CAMKMT: variants seen among roughly 807,000 people sequenced by gnomAD.
CAMKMT encodes the protein calmodulin-lysine N-methyltransferase, also known as CaM KMT.
Under a neutral mutation model 48.0 loss-of-function variants are expected in CAMKMT, and 53 were observed. The ratio of observed to expected loss-of-function variants is 1.10; its 90% CI spans 0.89 to 1.39. The LOEUF (loss-of-function observed/expected upper bound fraction) is 1.39. Ranked by LOEUF, CAMKMT falls within the 40% of genes most tolerant of loss-of-function variation. CAMKMT has a pLI of 0.00. For missense variants in CAMKMT, 428 were observed against 402.7 expected (o/e 1.06, Z -0.54); for synonymous variants, 165 against 152.3 (o/e 1.08, Z -0.61).
chr2:44,625,315 T>C (rs917758039), intron 3 of CAMKMT, among the ~76,000 whole-genome samples: 1 of 152,212 alleles, frequency 6.6e-6, no homozygotes, highest in Non-Finnish European at 1.5e-5. Flanking sequence ...GTTCAAATCT[T>C]TTGTACAGTT....
At chr2:44,377,896 G>C (rs1679856195) in intron 2 of CAMKMT, among the ~76,000 whole-genome samples, 2 of 151,768 alleles carry the variant, frequency 1.3e-5, no homozygotes, top group South Asian at 2.1e-4. Flanking sequence ...TAGTTATATA[G>C]CTTGTGAATG....
chr2:44,750,923 G>T (rs984803011), intron 8 of CAMKMT, among the ~76,000 whole-genome samples: 1 of 152,166 alleles, frequency 6.6e-6, no homozygotes, highest in Non-Finnish European at 1.5e-5. Context: ...TGAGGCAGGA[G>T]AATCGCTTGA....
At chr2:44,683,609 A>G (rs1399444235) in intron 3 of CAMKMT, among the ~76,000 whole-genome samples, 2 of 152,106 alleles carry the variant, frequency 1.3e-5, no homozygotes, top group Non-Finnish European at 2.9e-5. Flanking sequence ...TCGCAAGGTC[A>G]GGAGATCAAG....
At chr2:44,474,598 T>C (rs6739098) in intron 3 of CAMKMT, among the ~76,000 whole-genome samples, 3,130 of 152,286 alleles carry the variant, frequency 0.021, 115 homozygotes, top group African/African-American at 0.071. Flanking sequence ...TCTGTTACTA[T>C]TTAATTCCTA....
intron 3 of CAMKMT, among the ~76,000 whole-genome samples, chr2:44,480,138 A>G (rs1205562186): frequency 1.3e-5 from 2 of 152,212 alleles, no homozygotes; most frequent in Non-Finnish European, 2.9e-5. Context: ...TGTAGCACCT[A>G]TCAAAGAGTG....
chr2:44,502,945 A>T (rs1670078028), intron 3 of CAMKMT, among the ~76,000 whole-genome samples: 1 of 152,124 alleles, frequency 6.6e-6, no homozygotes. Flanking sequence ...AGTTTTTGTG[A>T]TGATGACTAC....
At chr2:44,694,091 G>T (rs543849258) in intron 3 of CAMKMT, among the ~76,000 whole-genome samples, 2 of 152,322 alleles carry the variant, frequency 1.3e-5, no homozygotes, top group South Asian at 4.1e-4. Flanking sequence ...GTTGGATGCT[G>T]TCGATCAAAG....
At chr2:44,697,796 A>G (rs1264069475) in intron 3 of CAMKMT, among the ~76,000 whole-genome samples, 2 of 152,210 alleles carry the variant, frequency 1.3e-5, no homozygotes, top group East Asian at 3.8e-4. Flanking sequence ...AAAAATGCTA[A>G]TTTTGCACAG....
chr2:44,547,012 G>T (rs1667446055), intron 3 of CAMKMT, among the ~76,000 whole-genome samples: 1 of 152,096 alleles, frequency 6.6e-6, no homozygotes, highest in South Asian at 2.1e-4. Flanking sequence ...TAAATCCCTT[G>T]GGTTGGCTTG....
chr2:44,460,346 G>A (rs181965463), intron 3 of CAMKMT, among the ~76,000 whole-genome samples: 2 of 152,268 alleles, frequency 1.3e-5, no homozygotes, highest in East Asian at 3.9e-4. Context: ...GAATTAAACT[G>A]TAGGCACAGT....
At chr2:44,720,878 T>G (rs1246900122) in intron 7 of CAMKMT, among the ~76,000 whole-genome samples, 1 of 152,216 alleles carries the variant, frequency 6.6e-6, no homozygotes, top group Non-Finnish European at 1.5e-5. Context: ...TAAAGGTGTT[T>G]CACTAGCATT....
intron 9 of CAMKMT, among the ~76,000 whole-genome samples, chr2:44,764,223 C>T (rs1055390669): frequency 1.3e-5 from 2 of 152,102 alleles, no homozygotes; most frequent in Non-Finnish European, 2.9e-5. Flanking sequence ...TGAGTGTGTA[C>T]AGGCTGATGT....
rs1033475609 is a variant in CAMKMT at position 44,456,725 on chromosome 2, C to G, written c.376+66420C>G. The G allele has an allele frequency of 8.8e-6, 8 of 913,582 alleles. No homozygotes were observed. The African/African-American group carries it at 1.4e-4, about 15-fold the overall frequency. The allele number at this position is 913,582 out of a possible 1,614,324, so 56.6% of individuals were successfully genotyped here. ...TTGTCTTCATGATCTTCATTACAAT[C>G]ATAGCAGAAATCCTCATGCTAAATG... On this transcript the variant is annotated intron_variant, in intron 3 of 10. Transcript: ENST00000378494.
intron 10 of CAMKMT, among the ~76,000 whole-genome samples, chr2:44,768,825 G>T (rs1325259752): frequency 6.6e-6 from 1 of 152,154 alleles, no homozygotes; most frequent in Non-Finnish European, 1.5e-5. Flanking sequence ...TCCCTGGGAC[G>T]CGCTGCTCCC....
In CAMKMT at chr2:44,702,961, G is replaced by A. The variant is rs532340334; in HGVS notation, c.377-1322G>A. ...CTAGGGGAAAAAAATTAAGCCTTTT[G>A]TAGATGTTTCAACCTTGCATTAAGA... is the stretch of plus-strand genomic sequence containing the variant. On this transcript the variant is annotated intron_variant, in intron 3 of 10. Transcript: ENST00000378494. Among the ~76,000 whole-genome samples, 5 of 152,256 alleles carry A rather than the reference G, an allele frequency of 3.3e-5. No homozygotes were observed. The South Asian group carries it at 8.3e-4, about 25-fold the overall frequency.
intron 2 of CAMKMT, among the ~76,000 whole-genome samples, chr2:44,374,117 CAAAAAAA>C (rs59922847): frequency 0.038 from 2,507 of 66,418 alleles, 85 homozygotes; most frequent in African/African-American, 0.14. Flanking sequence ...GACTCTGCCT[CAAAAAAA>C]AAAAAAAAAA....
chr2:44,539,552 C>A (rs1269175998), intron 3 of CAMKMT, among the ~76,000 whole-genome samples: 1 of 152,086 alleles, frequency 6.6e-6, no homozygotes, highest in African/African-American at 2.4e-5. Flanking sequence ...TCATCAATTG[C>A]CTCAATGATA....
At chr2:44,625,630 T>C (rs143095343) in intron 3 of CAMKMT, among the ~76,000 whole-genome samples, 1 of 152,294 alleles carries the variant, frequency 6.6e-6, no homozygotes, top group African/African-American at 2.4e-5. Flanking sequence ...AATTTGGATA[T>C]TTTAAAGCTT....
intron 6 of CAMKMT, among the ~76,000 whole-genome samples, chr2:44,709,121 CAG>C (rs1677731705): frequency 1.3e-5 from 2 of 152,158 alleles, no homozygotes; most frequent in South Asian, 4.1e-4. Context: ...CTTTTGAAAT[CAG>C]AGAGGAAATC....
Sources: allele counts gnomAD v4.1 joint callset (sites outside exome capture counted in the v4.1 genomes callset), GRCh38; gene constraint gnomAD v4.1.1; transcripts MANE v1.5; gene names NCBI Gene and HGNC (gene_info 2026-07-23, HGNC 2026-07-21).